PLA2G12B: variants seen among roughly 807,000 people sequenced by gnomAD.
PLA2G12B encodes the protein group XIIB secretory phospholipase A2-like protein.
PLA2G12B carries 19 observed loss-of-function variants against 22.3 expected under a neutral mutation model. The observed-to-expected ratio is 0.85, with a 90% CI of 0.60 to 1.25. PLA2G12B has a LOEUF of 1.25. PLA2G12B is among the 50% of genes most tolerant of loss of function. The pLI is 0.00. For missense variants in PLA2G12B, 191 were observed against 246.6 expected, an observed-to-expected ratio of 0.77 and a Z score of 1.51; for synonymous variants, 81 against 94.9, an observed-to-expected ratio of 0.85 and a Z score of 0.85.
chr10:72,938,385 T>C (rs1367181285), intron 3 of PLA2G12B, among the ~76,000 whole-genome samples: 2 of 151,728 alleles, frequency 1.3e-5, no homozygotes, highest in African/African-American at 2.4e-5. Flanking sequence ...AAAATCCAAA[T>C]TGGAAAGGAA....
intron 3 of PLA2G12B, among the ~76,000 whole-genome samples, chr10:72,938,686 C>T (rs1846315658): frequency 6.6e-6 from 1 of 152,020 alleles, no homozygotes; most frequent in Non-Finnish European, 1.5e-5. Flanking sequence ...TAAAGAAGAC[C>T]TAAATAAATG....
At chr10:72,950,549 C>T (rs567707302) in intron 1 of PLA2G12B, among the ~76,000 whole-genome samples, 2 of 152,284 alleles carry the variant, frequency 1.3e-5, no homozygotes, top group South Asian at 4.1e-4. Context: ...GGCACGATCT[C>T]GGCTCACTGC....
intron 3 of PLA2G12B, among the ~76,000 whole-genome samples, chr10:72,937,201 C>T (rs564837031): frequency 2.6e-5 from 4 of 152,176 alleles, no homozygotes; most frequent in African/African-American, 7.2e-5. Context: ...CAGAGCGAGA[C>T]TCCATCTCAA....
At chr10:72,938,873 C>A (rs1846317629) in intron 3 of PLA2G12B, among the ~76,000 whole-genome samples, 3 of 152,148 alleles carry the variant, frequency 2.0e-5, no homozygotes, top group Non-Finnish European at 4.4e-5. Flanking sequence ...ATAGTCTTGA[C>A]AGAAAAGTAC....
chr10:72,941,814 G>A (rs546953757), intron 2 of PLA2G12B, among the ~76,000 whole-genome samples: 15 of 113,346 alleles, frequency 1.3e-4, no homozygotes, highest in East Asian at 6.8e-4. Flanking sequence ...AAGGGTGTGC[G>A]TGTGTGTGTG....
chr10:72,941,266 A>G lies in PLA2G12B; in HGVS notation c.369T>C (p.Gly123=). The stretch of plus-strand genomic sequence containing the variant: ...TTGCATCACAGCGATATTTGTTGGC[A>G]CCGCAAGTGTCATAACAGACATCCA... ...NQLDVCYDTC[G]ANKYRCDAKF... is the part of the protein sequence containing the mutation. Residue 123 remains glycine (G), a synonymous_variant, in exon 3 of 4, where the codon GGT becomes GGC. Transcript: ENST00000373032. 3 of 1,613,800 alleles carry G rather than the reference A, an allele frequency of 1.9e-6. No homozygotes were observed. The highest frequency in any genetic ancestry group is 2.5e-6 in the Non-Finnish European group (3 of 1,179,748).
chr10:72,946,872 G>A (rs980002062), intron 1 of PLA2G12B, among the ~76,000 whole-genome samples: 2 of 151,090 alleles, frequency 1.3e-5, no homozygotes, highest in African/African-American at 2.4e-5. Flanking sequence ...CATTCTGTGG[G>A]TTGTCTTTTC....
intron 1 of PLA2G12B, among the ~76,000 whole-genome samples, chr10:72,950,418 G>C (rs1846510126): frequency 6.6e-6 from 1 of 152,104 alleles, no homozygotes; most frequent in South Asian, 2.1e-4. Context: ...ATAAAATTTT[G>C]CTGTAAAACT....
intron 3 of PLA2G12B, among the ~76,000 whole-genome samples, chr10:72,940,844 T>A (rs907924451): frequency 6.6e-6 from 1 of 152,122 alleles, no homozygotes; most frequent in African/African-American, 2.4e-5. Context: ...TGGAAAATTA[T>A]TTAACAGTGG....
At chr10:72,946,092 TAATCTAATTTTGGA>T (rs1256949669) in intron 1 of PLA2G12B, among the ~76,000 whole-genome samples, 3 of 152,198 alleles carry the variant, frequency 2.0e-5, no homozygotes, top group African/African-American at 7.2e-5. Flanking sequence ...GTCAACACCA[TAATCTAATTTTGGA>T]ACATTATAAT....
intron 1 of PLA2G12B, among the ~76,000 whole-genome samples, chr10:72,943,526 G>T (rs969584188): frequency 2.0e-5 from 3 of 152,172 alleles, no homozygotes; most frequent in African/African-American, 4.8e-5. Flanking sequence ...AAAGAGCAAA[G>T]AAATTACCCT....
intron 3 of PLA2G12B, among the ~76,000 whole-genome samples, chr10:72,940,273 T>C (rs1005117181): frequency 1.3e-5 from 2 of 152,034 alleles, no homozygotes; most frequent in African/African-American, 2.4e-5. Flanking sequence ...ACTCTTACCA[T>C]CTAAAAATAG....
chr10:72,942,830 C>T (rs1846383738), intron 1 of PLA2G12B, 90 bp from the exon 2 acceptor site: 1 of 1,179,722 alleles, frequency 8.5e-7, no homozygotes, highest in Admixed American at 2.5e-5. Flanking sequence ...TTTCTAAAAG[C>T]ATATTTCACT....
chr10:72,937,008 A>G (rs1846288651), intron 3 of PLA2G12B, among the ~76,000 whole-genome samples: 1 of 152,130 alleles, frequency 6.6e-6, no homozygotes, highest in Admixed American at 6.5e-5. Flanking sequence ...CCTGGCTAAC[A>G]AGACCATCCT....
chr10:72,954,030 T>C (rs1846574951), intron 1 of PLA2G12B, among the ~76,000 whole-genome samples: 2 of 152,218 alleles, frequency 1.3e-5, no homozygotes, highest in African/African-American at 4.8e-5. Context: ...TTTTGCCCCA[T>C]GGCAGATTTT....
intron 1 of PLA2G12B, among the ~76,000 whole-genome samples, chr10:72,952,468 T>G (rs900136932): frequency 6.6e-6 from 1 of 152,230 alleles, no homozygotes; most frequent in Non-Finnish European, 1.5e-5. Flanking sequence ...AGAGATCTGG[T>G]TGAATCTGCC....
At chr10:72,942,226 T>A (rs1846374842) in intron 2 of PLA2G12B, among the ~76,000 whole-genome samples, 1 of 151,630 alleles carries the variant, frequency 6.6e-6, no homozygotes, top group South Asian at 2.1e-4. Flanking sequence ...ACATAGCCAA[T>A]TTGGCACTAC....
At chr10:72,945,868 G>C (rs532246834) in intron 1 of PLA2G12B, among the ~76,000 whole-genome samples, 1 of 152,140 alleles carries the variant, frequency 6.6e-6, no homozygotes, top group South Asian at 2.1e-4. Context: ...GGCTGGTCTC[G>C]AACTCCTGGC....
chr10:72,945,189 G>A (rs1846419999), intron 1 of PLA2G12B, among the ~76,000 whole-genome samples: 1 of 152,118 alleles, frequency 6.6e-6, no homozygotes, highest in Admixed American at 6.6e-5. Flanking sequence ...CCCACCTCCT[G>A]GTATTCACCT....
Sources: allele counts gnomAD v4.1 joint callset (sites outside exome capture counted in the v4.1 genomes callset), GRCh38; gene constraint gnomAD v4.1.1; transcripts MANE v1.5; gene names NCBI Gene and HGNC (gene_info 2026-07-23, HGNC 2026-07-21).